TRPM3: variants seen among roughly 807,000 people sequenced by gnomAD.
The protein encoded by TRPM3 is transient receptor potential cation channel subfamily M member 3.
In TRPM3, 77 loss-of-function variants were observed where a neutral mutation model predicts 181.2. The observed-to-expected ratio is 0.42, with a 90% CI of 0.35 to 0.51. The LOEUF (loss-of-function observed/expected upper bound fraction) is 0.51, where lower values mean the gene tolerates loss of function less well. TRPM3 is among the 20% of genes least tolerant of loss of function. The pLI is 0.01. For synonymous variants in TRPM3, 745 were observed against 796.4 expected, an observed-to-expected ratio of 0.94 and a Z score of 1.09; for missense variants, 1,759 against 2,196.7, an observed-to-expected ratio of 0.80 and a Z score of 3.98.
chr9:70,965,719 C>T (rs1438495074), intron 1 of TRPM3, among the ~76,000 whole-genome samples: 1 of 151,858 alleles, frequency 6.6e-6, no homozygotes, highest in Non-Finnish European at 1.5e-5. Flanking sequence ...TGTTCAATAT[C>T]CTATGAGGCC....
At chr9:71,040,102 C>T (rs527314251) in intron 1 of TRPM3, among the ~76,000 whole-genome samples, 143 of 152,220 alleles carry the variant, frequency 9.4e-4, no homozygotes, top group African/African-American at 3.0e-3. Context: ...AGAAAGCCTG[C>T]GGCTCTTTCA....
chr9:71,297,573 A>C (rs2086395060), intron 1 of TRPM3, among the ~76,000 whole-genome samples: 1 of 152,096 alleles, frequency 6.6e-6, no homozygotes, highest in Non-Finnish European at 1.5e-5. Context: ...CCCTTTAAAA[A>C]ACCATCAGAT....
At chr9:71,135,989 T>C (rs1221978973) in intron 1 of TRPM3, among the ~76,000 whole-genome samples, 7 of 152,224 alleles carry the variant, frequency 4.6e-5, no homozygotes, top group African/African-American at 1.7e-4. Flanking sequence ...AAAGACACCA[T>C]TTAAGTGTGA....
At chr9:70,899,220 C>T (rs1385941232) in intron 1 of TRPM3, among the ~76,000 whole-genome samples, 1 of 152,136 alleles carries the variant, frequency 6.6e-6, no homozygotes, top group Non-Finnish European at 1.5e-5. Context: ...AAACTACACT[C>T]ACTGATTGTA....
chr9:71,396,700 A>C (rs1588840402), intron 1 of TRPM3, among the ~76,000 whole-genome samples: 1 of 151,714 alleles, frequency 6.6e-6, no homozygotes, highest in Middle Eastern at 3.4e-3. Flanking sequence ...GGTGGCTCAC[A>C]CCTGTAAATC....
rs1564588799 is a variant in TRPM3 at position 70,620,233 on chromosome 9, T to A, written c.1972A>T (p.Met658Leu). The change falls in exon 16 of 26, where the codon ATG (methionine) becomes TTG (leucine). Residue 658 changes from methionine (M) to leucine (L), a missense_variant. Transcript: ENST00000677713. ...AACAGGGCCATCTTCTGCCGCTTCA[T>A]GAGAACAGCCCACACCATGAGCTCA... ...FHELMVWAVL[M>L]KRQKMALFFW... 6.2e-7 allele frequency: 1 copy of A among 1,614,160 alleles called. No homozygotes were observed. Among genetic ancestry groups the A allele is most frequent in the Non-Finnish European group, 8.5e-7 (1 of 1,180,020 alleles).
At chr9:71,130,863 T>C (rs907457894) in intron 1 of TRPM3, among the ~76,000 whole-genome samples, 1 of 152,214 alleles carries the variant, frequency 6.6e-6, no homozygotes, top group Non-Finnish European at 1.5e-5. Context: ...CTCATAATTA[T>C]TGTTTTAGTA....
chr9:70,933,252 C>T (rs571798299), intron 1 of TRPM3, among the ~76,000 whole-genome samples: 30 of 151,588 alleles, frequency 2.0e-4, no homozygotes, highest in South Asian at 4.2e-4. Flanking sequence ...TCCAGAGTGG[C>T]GATAGTAAAT....
At chr9:71,156,473 T>C (rs1425905727) in intron 1 of TRPM3, among the ~76,000 whole-genome samples, 3 of 151,626 alleles carry the variant, frequency 2.0e-5, no homozygotes, top group African/African-American at 4.8e-5. Context: ...ATTCCAGCTA[T>C]GGTTATTAAT....
At chr9:70,824,198 G>C (rs971882659) in intron 6 of TRPM3, among the ~76,000 whole-genome samples, 1 of 151,958 alleles carries the variant, frequency 6.6e-6, no homozygotes, top group Non-Finnish European at 1.5e-5. Flanking sequence ...AAGTGATGAG[G>C]GGGAATGGAA....
intron 1 of TRPM3, among the ~76,000 whole-genome samples, chr9:71,344,337 G>C (rs1431897690): frequency 6.6e-6 from 1 of 152,002 alleles, no homozygotes; most frequent in Non-Finnish European, 1.5e-5. Flanking sequence ...TGTAATCCCA[G>C]CTACTCGGGA....
rs1589871246 is a variant in TRPM3 at position 70,932,585 on chromosome 9, C to T, written c.178-68074G>A. Among the ~76,000 whole-genome samples, 5 of 152,252 alleles carry T rather than the reference C, an allele frequency of 3.3e-5. 1 individual carries two copies. The South Asian group carries it at 1.0e-3, about 32-fold the overall frequency. ...CACAAACAATGTATCTTGACCTAGA[C>T]TAATGCTGACTCTTCCAAAGAAGAG... On this transcript the variant is annotated intron_variant, in intron 1 of 25. Coordinates refer to ENST00000677713, the MANE Select transcript of TRPM3 (RefSeq NM_001366145.2).
intron 1 of TRPM3, among the ~76,000 whole-genome samples, chr9:71,367,072 C>A (rs2092360072): frequency 6.6e-6 from 1 of 152,038 alleles, no homozygotes; most frequent in East Asian, 1.9e-4. Flanking sequence ...AGAGAATAAA[C>A]AAACCAAAAT....
chr9:70,979,886 G>A (rs71505918), intron 1 of TRPM3, among the ~76,000 whole-genome samples: 2 of 152,198 alleles, frequency 1.3e-5, no homozygotes, highest in Admixed American at 6.5e-5. Flanking sequence ...AGGGGGAGAG[G>A]AAGGGGTAGG....
At chr9:70,958,848 T>A (rs2097107088) in intron 1 of TRPM3, among the ~76,000 whole-genome samples, 1 of 151,894 alleles carries the variant, frequency 6.6e-6, no homozygotes, top group Admixed American at 6.6e-5. Context: ...TGAGTTCATG[T>A]CCTTTGTAGG....
At chr9:70,606,927 C>G (rs1300336969) in intron 19 of TRPM3, among the ~76,000 whole-genome samples, 1 of 152,140 alleles carries the variant, frequency 6.6e-6, no homozygotes, top group African/African-American at 2.4e-5. Flanking sequence ...CCTTTTTCTA[C>G]TACCTCTGGA....
chr9:70,833,023 T>G (rs1369677915), intron 5 of TRPM3, among the ~76,000 whole-genome samples: 1 of 152,232 alleles, frequency 6.6e-6, no homozygotes, highest in African/African-American at 2.4e-5. Flanking sequence ...AAGAAACTTT[T>G]GGACAATAGT....
chr9:71,374,397 A>G (rs565889726), intron 1 of TRPM3, among the ~76,000 whole-genome samples: 16 of 152,146 alleles, frequency 1.1e-4, no homozygotes, highest in African/African-American at 3.9e-4. Context: ...ACAAACAAAA[A>G]ACAAAACAAA....
At position 70,912,280 on chromosome 9, in the gene TRPM3, G is replaced by A. The variant is rs972461449; in HGVS notation, c.178-47769C>T. 2.6e-5 allele frequency among the ~76,000 whole-genome samples: 4 copies of A among 152,012 alleles called. No homozygotes were observed. The East Asian group carries it at 5.8e-4, about 22-fold the overall frequency. On this transcript the variant is annotated intron_variant, in intron 1 of 25. Transcript: ENST00000677713. ...AATTCTCACTTAGTGTTTTTTCCCC[G>A]CAAAGGTATGAAGTTAAGAATATTG... is the stretch of plus-strand genomic sequence containing the variant.
Sources: gnomAD v4.1 joint callset for allele counts (sites outside exome capture counted in the v4.1 genomes callset) on GRCh38, gnomAD v4.1.1 for gene constraint, MANE v1.5 for transcripts, NCBI Gene and HGNC (gene_info 2026-07-23, HGNC 2026-07-21) for gene names.